The following ACVR2A variants were observed in gnomAD, a reference collection of about 807,000 sequenced individuals.
ACVR2A encodes the protein activin A receptor type 2A.
ACVR2A carries 7 observed loss-of-function variants against 61.4 expected under a neutral mutation model. The observed-to-expected ratio is 0.11, with a 90% CI of 0.06 to 0.21. The LOEUF is 0.21. ACVR2A is among the 10% of genes least tolerant of loss of function. The pLI is 1.00. For missense variants in ACVR2A, 322 were observed against 621.7 expected (o/e 0.52, Z 5.13); for synonymous variants, 193 against 208.3 (o/e 0.93, Z 0.63).
In ACVR2A at chr2:147,930,704, A is replaced by C. The variant is rs1224173262; in HGVS notation, c.*3430A>C. 1 of 152,470 alleles carries C rather than the reference A, an allele frequency of 6.6e-6. No homozygotes were observed. Among genetic ancestry groups the C allele is most frequent in the Non-Finnish European group, 1.5e-5 (1 of 67,992 alleles). 9.4% of individuals were successfully genotyped at this position (152,470 alleles called of 1,614,324 possible). A position where few individuals can be genotyped will look rare whatever the true frequency, so the allele number is the denominator to read the frequency against. On this transcript the variant is annotated 3_prime_UTR_variant, in exon 11 of 11. Coordinates refer to ENST00000241416, the MANE Select transcript of ACVR2A (RefSeq NM_001616.5). ...TTGCTATTTTTTCTGCAAGTATTTA[A>C]CAGAAAGCTTAAAATCCCCATAAAA... is the stretch of plus-strand genomic sequence containing the variant.
At chr2:147,855,666 AT>A (rs1160730667) in intron 1 of ACVR2A, among the ~76,000 whole-genome samples, 12 of 151,298 alleles carry the variant, frequency 7.9e-5, no homozygotes, top group Non-Finnish European at 1.3e-4. Flanking sequence ...TAGTCATCTT[AT>A]TTTTTTTCCT....
intron 1 of ACVR2A, among the ~76,000 whole-genome samples, chr2:147,872,029 A>T (rs1270706152): frequency 6.6e-6 from 1 of 152,030 alleles, no homozygotes; most frequent in Non-Finnish European, 1.5e-5. Flanking sequence ...CTTTTACCCA[A>T]CATAGTGACA....
At chr2:147,866,244 T>A (rs1685851657) in intron 1 of ACVR2A, among the ~76,000 whole-genome samples, 1 of 152,212 alleles carries the variant, frequency 6.6e-6, no homozygotes, top group Admixed American at 6.5e-5. Flanking sequence ...GAAAGTGGCA[T>A]GCGCTGGGTT....
chr2:147,904,052 T>C (rs2105199457), intron 4 of ACVR2A, among the ~76,000 whole-genome samples: 1 of 152,104 alleles, frequency 6.6e-6, no homozygotes, highest in East Asian at 1.9e-4. Flanking sequence ...GTAAAATAAG[T>C]TGAAGTATTT....
chr2:147,903,700 A>G (rs1226027128), intron 4 of ACVR2A, among the ~76,000 whole-genome samples: 3 of 151,888 alleles, frequency 2.0e-5, no homozygotes, highest in African/African-American at 4.8e-5. Context: ...ATTAGTTGTA[A>G]TCCTCCTTGA....
At chr2:147,844,975 CT>C (rs879026054), upstream of ACVR2A, 884 of 126,100 alleles carry the variant, frequency 7.0e-3, no homozygotes, top group Middle Eastern at 0.018. Flanking sequence ...TCTTTTTTTT[CT>C]TTTTTTTTTT....
intron 4 of ACVR2A, among the ~76,000 whole-genome samples, chr2:147,902,076 A>G (rs577216834): frequency 1.3e-5 from 2 of 152,154 alleles, no homozygotes; most frequent in Non-Finnish European, 2.9e-5. Context: ...TATAAAAAGC[A>G]TAAAATATTT....
At chr2:147,872,538 GT>G (rs537583625) in intron 1 of ACVR2A, among the ~76,000 whole-genome samples, 67 of 150,108 alleles carry the variant, frequency 4.5e-4, no homozygotes, top group African/African-American at 1.5e-3. Context: ...AATTAACGAA[GT>G]GTTGGCTTGA....
chr2:147,873,720 A>G (rs1283880659), intron 1 of ACVR2A, among the ~76,000 whole-genome samples: 3 of 152,006 alleles, frequency 2.0e-5, no homozygotes, highest in South Asian at 2.1e-4. Context: ...GAAAATGAGA[A>G]TGGCAGAGAT....
rs866358958 is a variant in ACVR2A at position 147,911,611 on chromosome 2, A to G, written c.529-3580A>G. The stretch of plus-strand genomic sequence containing the variant: ...TGGTTGTGGAACTTTCTGTGGATGC[A>G]TACTAAACATTTTGTTCTTAGATTT... On this transcript the variant is annotated intron_variant, in intron 4 of 10. Transcript: ENST00000241416. Among the ~76,000 whole-genome samples the G allele has an allele frequency of 4.8e-4, 73 of 152,182 alleles. 1 individual carries two copies. Among genetic ancestry groups the G allele is most frequent in the Non-Finnish European group, 3.5e-4 (24 of 67,952 alleles).
At chr2:147,922,613 G>GT (rs1687410781) in intron 8 of ACVR2A, among the ~76,000 whole-genome samples, 2 of 151,766 alleles carry the variant, frequency 1.3e-5, no homozygotes, top group African/African-American at 4.8e-5. Context: ...CATTTTATTA[G>GT]TTTTTTTAAT....
At chr2:147,880,987 C>A (rs1054252880) in intron 1 of ACVR2A, among the ~76,000 whole-genome samples, 19 of 152,078 alleles carry the variant, frequency 1.2e-4, no homozygotes, top group Non-Finnish European at 2.8e-4. Flanking sequence ...AAATCTATCC[C>A]TTTTATAATG....
chr2:147,857,995 A>T (rs1239384025), intron 1 of ACVR2A, among the ~76,000 whole-genome samples: 1 of 151,954 alleles, frequency 6.6e-6, no homozygotes, highest in Non-Finnish European at 1.5e-5. Flanking sequence ...CATAGGCCCC[A>T]GTGTTCCCCT....
intron 1 of ACVR2A, among the ~76,000 whole-genome samples, chr2:147,864,587 T>A (rs1685807739): frequency 6.6e-6 from 1 of 151,816 alleles, no homozygotes; most frequent in Non-Finnish European, 1.5e-5. Flanking sequence ...ATGAAGAGAA[T>A]AGGAAGAAAG....
intron 1 of ACVR2A, among the ~76,000 whole-genome samples, chr2:147,862,198 A>G (rs1363717512): frequency 1.3e-5 from 2 of 152,156 alleles, no homozygotes; most frequent in Admixed American, 6.5e-5. Context: ...CCACACTTTC[A>G]GAAACCCATG....
intron 4 of ACVR2A, among the ~76,000 whole-genome samples, chr2:147,910,493 C>A (rs1460697496): frequency 6.6e-6 from 1 of 152,096 alleles, no homozygotes; most frequent in African/African-American, 2.4e-5. Context: ...ATTATAAATA[C>A]TCTTGAATCA....
chr2:147,855,354 T>C (rs369894516), intron 1 of ACVR2A, among the ~76,000 whole-genome samples: 1 of 152,158 alleles, frequency 6.6e-6, no homozygotes, highest in Non-Finnish European at 1.5e-5. Context: ...ACTGGAGAGA[T>C]AGGGACAGGA....
intron 1 of ACVR2A, among the ~76,000 whole-genome samples, chr2:147,882,500 GC>G (rs1333994520): frequency 6.6e-6 from 1 of 152,180 alleles, no homozygotes; most frequent in Non-Finnish European, 1.5e-5. Flanking sequence ...GTAGTGAGCC[GC>G]TAAGATTGGG....
chr2:147,921,422 A>G (rs1044879617), intron 8 of ACVR2A, among the ~76,000 whole-genome samples: 1 of 152,098 alleles, frequency 6.6e-6, no homozygotes, highest in African/African-American at 2.4e-5. Flanking sequence ...CGACATTATC[A>G]TTTCTTCATC....
Sources: allele counts gnomAD v4.1 joint callset (sites outside exome capture counted in the v4.1 genomes callset), GRCh38; gene constraint gnomAD v4.1.1; transcripts MANE v1.5; gene names NCBI Gene and HGNC (gene_info 2026-07-23, HGNC 2026-07-21).